ADAM2: variants seen among roughly 807,000 people sequenced by gnomAD.
The protein encoded by ADAM2 is ADAM metallopeptidase domain 2, also known as disintegrin and metalloproteinase domain-containing protein 2.
Under a neutral mutation model 99.3 loss-of-function variants are expected in ADAM2, and 101 were observed. The observed-to-expected ratio is 1.02, with a 90% confidence interval of 0.87 to 1.20. The LOEUF (loss-of-function observed/expected upper bound fraction) is 1.20, where lower values mean the gene tolerates loss of function less well. ADAM2 is among the 50% of genes most tolerant of loss of function. ADAM2 has a pLI of 0.00. For missense variants in ADAM2, 948 were observed against 878.7 expected (o/e 1.08, Z -1.00); for synonymous variants, 323 against 287.6 (o/e 1.12, Z -1.25).
At chr8:39,821,530 A>C (rs1159832599) in intron 5 of ADAM2, 56 bp downstream of exon 5, 8 of 1,321,338 alleles carry the variant, frequency 6.1e-6, no homozygotes, top group Non-Finnish European at 8.5e-6. Context: ...AAAATGTTTA[A>C]AATAATTTTG....
chr8:39,794,908 T>A (rs1018893154), intron 7 of ADAM2, among the ~76,000 whole-genome samples: 1 of 152,092 alleles, frequency 6.6e-6, no homozygotes, highest in Non-Finnish European at 1.5e-5. Flanking sequence ...AATAGACAAG[T>A]CTTTGGAGTT....
rs779637791 is a variant in ADAM2, at chr8:39,769,378, G to A, written c.1212+14C>T. On this transcript the variant is annotated intron_variant, in intron 12 of 20. Transcript: ENST00000265708. ...CTGCAATTTCAGTGCGTAGTCTTCC[G>A]AATTAGTACCAACCTGTTCAGTCCC... 11 of 1,592,308 alleles carry A rather than the reference G, an allele frequency of 6.9e-6. No homozygotes were observed. The highest frequency in any genetic ancestry group is 2.2e-5 in the East Asian group (1 of 44,554).
intron 7 of ADAM2, among the ~76,000 whole-genome samples, chr8:39,798,154 A>C (rs79630242): frequency 6.6e-6 from 1 of 152,250 alleles, no homozygotes; most frequent in East Asian, 1.9e-4. Context: ...TTGCCCATTC[A>C]GTATGATATT....
rs766676702 is a variant in ADAM2 at position 39,821,139 on chromosome 8, C to G, written c.376G>C (p.Gly126Arg). ...GVLQFENVSY[G>R]IEPLESSVGF... ...ACTGAAGACTCCAGGGGTTCTATTC[C>G]ATAACTAACATTTTCAAACTGTAGT... Residue 126 changes from glycine (G) to arginine (R), a missense_variant, in exon 6 of 21, where the codon GGA (glycine) becomes CGA (arginine). Physicochemically the swap from Gly to Arg is moderately radical, Grantham distance 125 (BLOSUM62 -2). Coordinates refer to ENST00000265708, the MANE Select transcript of ADAM2 (RefSeq NM_001464.5). 1 of 1,600,114 alleles carries G rather than the reference C, an allele frequency of 6.2e-7. No homozygotes were observed. Among genetic ancestry groups the G allele is most frequent in the Non-Finnish European group, 8.5e-7 (1 of 1,174,448 alleles).
At chr8:39,780,598 A>G (rs1046096605) in intron 10 of ADAM2, among the ~76,000 whole-genome samples, 1 of 152,122 alleles carries the variant, frequency 6.6e-6, no homozygotes, top group Non-Finnish European at 1.5e-5. Context: ...AGAACACTTA[A>G]TAATTTATTT....
At chr8:39,774,039 C>T (rs1221571271) in intron 11 of ADAM2, among the ~76,000 whole-genome samples, 1 of 151,832 alleles carries the variant, frequency 6.6e-6, no homozygotes, top group African/African-American at 2.4e-5. Flanking sequence ...ATTATTTAAA[C>T]AATTAAACAT....
At chr8:39,815,797 A>T (rs1804916458) in intron 6 of ADAM2, among the ~76,000 whole-genome samples, 1 of 152,182 alleles carries the variant, frequency 6.6e-6, no homozygotes, top group South Asian at 2.1e-4. Flanking sequence ...CAGAATGAGA[A>T]AAGATATGAA....
At chr8:39,760,745 A>AT (rs1169259822) in intron 15 of ADAM2, among the ~76,000 whole-genome samples, 1 of 151,664 alleles carries the variant, frequency 6.6e-6, no homozygotes, top group African/African-American at 2.4e-5. Flanking sequence ...AAAATAAAAA[A>AT]AAAACACATT....
intron 7 of ADAM2, among the ~76,000 whole-genome samples, chr8:39,808,651 C>T (rs2129586891): frequency 6.6e-6 from 1 of 152,298 alleles, no homozygotes; most frequent in South Asian, 2.1e-4. Context: ...GGCACAGTGG[C>T]TCACGCATGT....
At chr8:39,801,234 A>T (rs1463038495) in intron 7 of ADAM2, among the ~76,000 whole-genome samples, 2 of 152,092 alleles carry the variant, frequency 1.3e-5, no homozygotes, top group African/African-American at 4.8e-5. Context: ...TGTTGTTGCC[A>T]CTTTCGGCTT....
intron 15 of ADAM2, among the ~76,000 whole-genome samples, chr8:39,760,127 A>G (rs1366281174): frequency 6.6e-6 from 1 of 152,092 alleles, no homozygotes; most frequent in Non-Finnish European, 1.5e-5. Flanking sequence ...TCAGCCTCCC[A>G]AAGTGCTGGG....
intron 11 of ADAM2, among the ~76,000 whole-genome samples, chr8:39,776,493 T>C (rs1274105622): frequency 6.6e-6 from 1 of 152,130 alleles, no homozygotes; most frequent in African/African-American, 2.4e-5. Context: ...GGCTATTTGA[T>C]CGTATTTCTA....
chr8:39,812,698 T>C (rs1804756751), intron 6 of ADAM2, among the ~76,000 whole-genome samples: 1 of 152,172 alleles, frequency 6.6e-6, no homozygotes, highest in African/African-American at 2.4e-5. Context: ...TAAATGGTGC[T>C]GGGAAAACTG....
At chr8:39,770,776 C>A (rs1802749968) in intron 11 of ADAM2, among the ~76,000 whole-genome samples, 1 of 152,246 alleles carries the variant, frequency 6.6e-6, no homozygotes, top group East Asian at 1.9e-4. Context: ...AGGACAGAAA[C>A]CTTGAGGTTA....
At chr8:39,829,973 C>T (rs568921362) in intron 3 of ADAM2, among the ~76,000 whole-genome samples, 61 of 152,130 alleles carry the variant, frequency 4.0e-4, no homozygotes, top group African/African-American at 1.5e-3. Flanking sequence ...AAATGGATAT[C>T]ACAACAATCC....
intron 6 of ADAM2, among the ~76,000 whole-genome samples, chr8:39,813,824 G>A (rs528202602): frequency 6.6e-6 from 1 of 152,122 alleles, no homozygotes; most frequent in South Asian, 2.1e-4. Flanking sequence ...TGTAAATGAC[G>A]AGTTAATGGG....
At chr8:39,826,191 A>G (rs1208078002) in intron 3 of ADAM2, among the ~76,000 whole-genome samples, 18 of 152,228 alleles carry the variant, frequency 1.2e-4, no homozygotes, top group Non-Finnish European at 1.5e-5. Flanking sequence ...TTCAAACTAT[A>G]CTGTATAGCC....
At chr8:39,806,339 G>A (rs186550294) in intron 7 of ADAM2, among the ~76,000 whole-genome samples, 17 of 151,734 alleles carry the variant, frequency 1.1e-4, no homozygotes, top group South Asian at 6.3e-4. Context: ...CCAGCAAAGC[G>A]CTAAACAAAC....
intron 5 of ADAM2, 114 bp downstream of exon 5, chr8:39,821,472 T>C (rs561508115): frequency 1.2e-6 from 1 of 803,826 alleles, no homozygotes. Flanking sequence ...TGAGTGGCAG[T>C]TTTCCACAAT....
Sources: gnomAD v4.1 joint callset for allele counts (sites outside exome capture counted in the v4.1 genomes callset) on GRCh38, gnomAD v4.1.1 for gene constraint, MANE v1.5 for transcripts, NCBI Gene and HGNC (gene_info 2026-07-23, HGNC 2026-07-21) for gene names.